The following DPYD variants were observed in gnomAD, a reference collection of about 807,000 sequenced individuals.
The protein encoded by DPYD is dihydropyrimidine dehydrogenase, also known as dihydropyrimidine dehydrogenase [NADP(+)].
DPYD carries 109 observed loss-of-function variants against 116.2 expected under a neutral mutation model. That is an observed-to-expected ratio of 0.94 (90% CI 0.80 to 1.10). The LOEUF (loss-of-function observed/expected upper bound fraction) is 1.10. Ranked by LOEUF, DPYD falls within the 50% of genes least tolerant of loss-of-function variation. The probability of loss-of-function intolerance (pLI) is 0.00; values close to 1 mark genes in which losing one functional copy is unlikely to be tolerated. For missense variants in DPYD, 1,302 were observed against 1,254.5 expected, an observed-to-expected ratio of 1.04 and a Z score of -0.57; for synonymous variants, 440 against 432.0, an observed-to-expected ratio of 1.02 and a Z score of -0.23.
At chr1:97,673,991 C>G (rs1660010676) in intron 8 of DPYD, among the ~76,000 whole-genome samples, 1 of 152,080 alleles carries the variant, frequency 6.6e-6, no homozygotes, top group Non-Finnish European at 1.5e-5. Context: ...GTGACCAAAT[C>G]AAGAAGAGCC....
intron 11 of DPYD, among the ~76,000 whole-genome samples, chr1:97,568,171 G>A (rs1272531249): frequency 6.6e-6 from 1 of 151,764 alleles, no homozygotes; most frequent in East Asian, 1.9e-4. Flanking sequence ...ATGAATGTAT[G>A]AGCATCTGCT....
chr1:97,675,394 G>A (rs1373754773), intron 8 of DPYD, among the ~76,000 whole-genome samples: 1 of 152,132 alleles, frequency 6.6e-6, no homozygotes, highest in African/African-American at 2.4e-5. Context: ...ATAAGACATA[G>A]GGCTTTATCT....
chr1:97,384,300 G>A (rs1392679223), intron 14 of DPYD, among the ~76,000 whole-genome samples: 2 of 150,224 alleles, frequency 1.3e-5, no homozygotes, highest in African/African-American at 4.9e-5. Flanking sequence ...TTCATCAGGA[G>A]AATAGAAAGT....
intron 14 of DPYD, among the ~76,000 whole-genome samples, chr1:97,446,988 G>T (rs1676121083): frequency 6.6e-6 from 1 of 152,094 alleles, no homozygotes; most frequent in Non-Finnish European, 1.5e-5. Flanking sequence ...AGTCTAGTGT[G>T]AATGTAGGCT....
chr1:97,542,331 T>C (rs944273191), intron 12 of DPYD, among the ~76,000 whole-genome samples: 2 of 152,166 alleles, frequency 1.3e-5, no homozygotes, highest in Non-Finnish European at 2.9e-5. Flanking sequence ...AGGAAGGTAC[T>C]CCCTCCTCTG....
chr1:97,173,231 T>C (rs750623314), intron 20 of DPYD, among the ~76,000 whole-genome samples: 15 of 112,884 alleles, frequency 1.3e-4, no homozygotes, highest in East Asian at 4.2e-4. Flanking sequence ...CGTACATATA[T>C]GCGCACACAT....
chr1:97,332,608 C>T (rs979401097), intron 16 of DPYD, among the ~76,000 whole-genome samples: 6 of 152,102 alleles, frequency 3.9e-5, no homozygotes, highest in East Asian at 3.9e-4. Context: ...ACCAACAAAA[C>T]GATAGTGGTG....
At chr1:97,692,432 A>C (rs1189191609) in intron 6 of DPYD, among the ~76,000 whole-genome samples, 1 of 152,204 alleles carries the variant, frequency 6.6e-6, no homozygotes, top group Non-Finnish European at 1.5e-5. Flanking sequence ...ATTTAAAAAA[A>C]AAATGAGGCC....
intron 20 of DPYD, among the ~76,000 whole-genome samples, chr1:97,155,356 A>C (rs1655365422): frequency 6.6e-6 from 1 of 152,088 alleles, no homozygotes; most frequent in African/African-American, 2.4e-5. Context: ...AAATGTTATA[A>C]CCTGTTGTTC....
intron 22 of DPYD, 152 bp from the exon 23 acceptor site, chr1:97,079,298 T>TGACA: frequency 2.6e-6 from 2 of 762,380 alleles, no homozygotes; most frequent in East Asian, 5.1e-5. Context: ...ACAGTTGAGC[T>TGACA]GACAGAGGAG....
At chr1:97,159,832 T>G (rs949025760) in intron 20 of DPYD, among the ~76,000 whole-genome samples, 1 of 151,962 alleles carries the variant, frequency 6.6e-6, no homozygotes, top group African/African-American at 2.4e-5. Context: ...AATAAATTTA[T>G]CCATTAAATA....
In DPYD at chr1:97,686,332, G is replaced by A. The variant is rs1434210843; in HGVS notation, c.762+5385C>T. ...ACACCTTATACAAAAATTAACTCAAGATGGATTAAAGACTTACATATAGGC... is the reference window on the plus strand; with the variant it reads ...ACACCTTATACAAAAATTAACTCAAAATGGATTAAAGACTTACATATAGGC... On this transcript the variant is annotated intron_variant, in intron 7 of 22. Coordinates refer to ENST00000370192, the MANE Select transcript of DPYD (RefSeq NM_000110.4). 2.0e-5 allele frequency among the ~76,000 whole-genome samples: 3 copies of A among 152,092 alleles called. No individual in the cohort carries two copies. In the East Asian group the frequency reaches 5.8e-4, roughly 29 times the overall value.
intron 20 of DPYD, among the ~76,000 whole-genome samples, chr1:97,138,286 T>C (rs1653955674): frequency 6.6e-6 from 1 of 152,128 alleles, no homozygotes; most frequent in African/African-American, 2.4e-5. Flanking sequence ...GGAGGCCATT[T>C]CTTCTGCCAG....
intron 14 of DPYD, among the ~76,000 whole-genome samples, chr1:97,398,291 G>A (rs7512357): frequency 0.19 from 29,130 of 152,040 alleles, 2,950 homozygotes; most frequent in South Asian, 0.36. Flanking sequence ...ATTTTTTATG[G>A]CTGCATAGTA....
chr1:97,889,018 A>G (rs1672643337), intron 1 of DPYD, among the ~76,000 whole-genome samples: 1 of 151,842 alleles, frequency 6.6e-6, no homozygotes, highest in Non-Finnish European at 1.5e-5. Flanking sequence ...TTAGCCAGGC[A>G]TGGTCGTGGG....
intron 1 of DPYD, among the ~76,000 whole-genome samples, chr1:97,914,124 T>C (rs1311652084): frequency 2.6e-5 from 4 of 152,090 alleles, no homozygotes; most frequent in South Asian, 4.1e-4. Flanking sequence ...AAAAATGCTG[T>C]TACACAGCCA....
chr1:97,630,402 C>T (rs948665100), intron 8 of DPYD, among the ~76,000 whole-genome samples: 2 of 152,032 alleles, frequency 1.3e-5, no homozygotes, highest in Admixed American at 1.3e-4. Flanking sequence ...TCTATTTCTC[C>T]ATGCCTTCTC....
chr1:97,275,143 G>T (rs1166993146), intron 18 of DPYD, among the ~76,000 whole-genome samples: 2 of 152,136 alleles, frequency 1.3e-5, no homozygotes, highest in South Asian at 2.1e-4. Context: ...CTGGGGCAGT[G>T]GCAGGGGATG....
intron 3 of DPYD, among the ~76,000 whole-genome samples, chr1:97,751,968 G>A (rs777726540): frequency 7.2e-5 from 11 of 151,830 alleles, no homozygotes; most frequent in Non-Finnish European, 1.2e-4. Context: ...CACGTTGGCC[G>A]GGCTGGTGTC....
Sources: allele counts gnomAD v4.1 joint callset (sites outside exome capture counted in the v4.1 genomes callset), GRCh38; gene constraint gnomAD v4.1.1; transcripts MANE v1.5; gene names NCBI Gene and HGNC (gene_info 2026-07-23, HGNC 2026-07-21).